The following NXPE4 variants were observed in gnomAD, a reference collection of about 807,000 sequenced individuals.
NXPE4 encodes neurexophilin and PC-esterase domain family member 4.
Under a neutral mutation model 33.3 loss-of-function variants are expected in NXPE4, and 42 were observed. The ratio of observed to expected loss-of-function variants is 1.26; its 90% CI spans 0.98 to 1.63. The LOEUF is 1.63. Among genes scored for constraint, NXPE4 ranks in the 40% most tolerant of loss-of-function variants. The pLI, the probability that NXPE4 is intolerant of heterozygous loss-of-function variation, is 0.00. For synonymous variants in NXPE4, 253 were observed against 234.9 expected, an observed-to-expected ratio of 1.08 and a Z score of -0.71; for missense variants, 709 against 647.6, an observed-to-expected ratio of 1.09 and a Z score of -1.03.
At chr11:114,584,447 A>C (rs1388891211) in intron 2 of NXPE4, 5 of 216,974 alleles carry the variant, frequency 2.3e-5, no homozygotes, top group Admixed American at 5.6e-5. Context: ...ATGAGAATGA[A>C]GAAGACCCTG....
chr11:114,584,374 G>A, intron 2 of NXPE4: 1 of 366,548 alleles, frequency 2.7e-6, no homozygotes. Flanking sequence ...AGTAATGCAG[G>A]CCCATCCACC....
At chr11:114,611,416 T>C in the NXPE4 span, among the ~76,000 whole-genome samples, 2 of 151,708 alleles carry the variant, frequency 1.3e-5, no homozygotes, top group Non-Finnish European at 2.9e-5. Context: ...GGATAATAAG[T>C]ATTGCCTCTA....
the NXPE4 span, among the ~76,000 whole-genome samples, chr11:114,670,653 C>T: frequency 3.3e-5 from 5 of 151,942 alleles, no homozygotes; most frequent in Non-Finnish European, 5.9e-5. Flanking sequence ...GACTGTACCA[C>T]TGCACTCTAG....
At chr11:114,670,677 G>A in the NXPE4 span, among the ~76,000 whole-genome samples, 3 of 152,012 alleles carry the variant, frequency 2.0e-5, no homozygotes, top group African/African-American at 7.2e-5. Context: ...GGGCAACAGA[G>A]TGAGACTGTG....
chr11:114,581,580 G>A (rs2135227255), intron 4 of NXPE4, 145 bp downstream of exon 4: 2 of 663,682 alleles, frequency 3.0e-6, no homozygotes, highest in South Asian at 1.8e-5. Flanking sequence ...ACTCACCTAG[G>A]TAACTGGTGT....
At chr11:114,591,475 T>G (rs1359359475) in intron 2 of NXPE4, among the ~76,000 whole-genome samples, 1 of 152,164 alleles carries the variant, frequency 6.6e-6, no homozygotes, top group African/African-American at 2.4e-5. Context: ...AGGAAACAAG[T>G]TAGCAGATCA....
chr11:114,641,688 C>T, the NXPE4 span, among the ~76,000 whole-genome samples: 19 of 151,996 alleles, frequency 1.3e-4, no homozygotes, highest in Middle Eastern at 0.01. Context: ...AACAAAGAAA[C>T]AATAGAGATG....
chr11:114,621,261 C>A, the NXPE4 span, among the ~76,000 whole-genome samples: 10 of 152,150 alleles, frequency 6.6e-5, no homozygotes, highest in East Asian at 1.9e-3. Flanking sequence ...ATACGTGTTG[C>A]CTCATGGGTA....
the NXPE4 span, among the ~76,000 whole-genome samples, chr11:114,665,149 C>T: frequency 6.6e-6 from 1 of 152,080 alleles, no homozygotes; most frequent in Non-Finnish European, 1.5e-5. Context: ...CTTGCCACAT[C>T]TTTCCCATGT....
At chr11:114,581,923 A>G (rs1033269355) in intron 3 of NXPE4, 137 bp from the exon 4 acceptor site, 4 of 666,094 alleles carry the variant, frequency 6.0e-6, no homozygotes, top group Non-Finnish European at 1.0e-5. Context: ...GCCATTTAGT[A>G]AATTTCCATT....
chr11:114,631,128 A>T, the NXPE4 span, among the ~76,000 whole-genome samples: 10 of 152,120 alleles, frequency 6.6e-5, no homozygotes, highest in African/African-American at 2.4e-4. Context: ...ATTCTCAGGG[A>T]TCTAGAACTA....
the NXPE4 span, among the ~76,000 whole-genome samples, chr11:114,639,247 CTG>C: frequency 6.6e-6 from 1 of 152,030 alleles, no homozygotes; most frequent in African/African-American, 2.4e-5. Flanking sequence ...CAGCGAGACT[CTG>C]TGGGCATAGG....
the NXPE4 span, among the ~76,000 whole-genome samples, chr11:114,662,293 C>G: frequency 1.3e-5 from 2 of 152,090 alleles, no homozygotes; most frequent in Non-Finnish European, 2.9e-5. Flanking sequence ...TTATAGCAGA[C>G]AGCAAAACTG....
At chr11:114,634,623 T>C in the NXPE4 span, among the ~76,000 whole-genome samples, 2 of 151,844 alleles carry the variant, frequency 1.3e-5, no homozygotes, top group African/African-American at 2.4e-5. Flanking sequence ...TTTAATACAT[T>C]TTGAATTAAT....
At chr11:114,673,893 C>T in the NXPE4 span, among the ~76,000 whole-genome samples, 3 of 151,884 alleles carry the variant, frequency 2.0e-5, no homozygotes, top group Admixed American at 6.6e-5. Flanking sequence ...CTTCAGGATA[C>T]ACATCTCTCC....
At chr11:114,606,508 C>A in the NXPE4 span, among the ~76,000 whole-genome samples, 1 of 151,642 alleles carries the variant, frequency 6.6e-6, no homozygotes, top group African/African-American at 2.4e-5. Context: ...AGTGTTGCCT[C>A]TAGGGTAACC....
At chr11:114,575,827 C>T (rs1442252799) in intron 5 of NXPE4, among the ~76,000 whole-genome samples, 1 of 152,124 alleles carries the variant, frequency 6.6e-6, no homozygotes, top group Non-Finnish European at 1.5e-5. Flanking sequence ...CACCATCATT[C>T]TTCACAGAAC....
chr11:114,583,521 G>C, intron 2 of NXPE4: 2 of 613,084 alleles, frequency 3.3e-6, no homozygotes, highest in African/African-American at 1.8e-5. Flanking sequence ...CACAGCAAGC[G>C]GATGCAGAGA....
the NXPE4 span, among the ~76,000 whole-genome samples, chr11:114,645,021 G>T: frequency 6.6e-6 from 1 of 151,662 alleles, no homozygotes; most frequent in African/African-American, 2.4e-5. Flanking sequence ...AAAAAAACAG[G>T]CCGGGCATAG....
Sources: allele counts gnomAD v4.1 joint callset (sites outside exome capture counted in the v4.1 genomes callset), GRCh38; gene constraint gnomAD v4.1.1; transcripts MANE v1.5; gene names NCBI Gene and HGNC (gene_info 2026-07-23, HGNC 2026-07-21).